Variants in FLG2 observed in about 807,000 individuals in gnomAD.
The protein encoded by FLG2 is filaggrin-2.
A neutral mutation model predicts 3.9 loss-of-function variants in FLG2; 7 were observed. The ratio of observed to expected loss-of-function variants is 1.79; its 90% confidence interval spans 1.02 to 3.36. FLG2 has a LOEUF of 3.36. Among genes scored for constraint, FLG2 ranks in the 30% most tolerant of loss-of-function variants. The pLI, the probability that FLG2 is intolerant of heterozygous loss-of-function variation, is 0.00. For missense variants in FLG2, 2,700 were observed against 2,809.4 expected (o/e 0.96, Z 0.88); for synonymous variants, 1,031 against 1,056.1 (o/e 0.98, Z 0.46).
chr1:152,350,733 A>C lies in FLG2; in HGVS notation c.7053T>G (p.Pro2351=), dbSNP rs760972948. The change falls in exon 3 of 3, where the codon CCT becomes CCG. Residue 2351 remains proline (P), a synonymous_variant. Transcript: ENST00000388718. ...CAGTGTGCCCATAGTCATATTCTGC[A>C]GGTCCATAGCTGCCATGTTTCCAAA... ...SQVWKHGSYG[P]AEYDYGHTGY... 2 of 1,614,226 alleles carry C rather than the reference A, an allele frequency of 1.2e-6. No individual in the cohort carries two copies. Among genetic ancestry groups the C allele is most frequent in the Non-Finnish European group, 1.7e-6 (2 of 1,180,042 alleles).
At position 152,354,681 on chromosome 1, in the gene FLG2, G is replaced by A. The variant is rs764942856; in HGVS notation, c.3105C>T (p.Tyr1035=). The A allele has an allele frequency of 1.2e-5, 19 of 1,613,918 alleles. No individual in the cohort carries two copies. The highest frequency in any genetic ancestry group is 1.5e-5 in the Non-Finnish European group (18 of 1,180,008). The part of the protein sequence containing the change: ...FGQHRSSSGQ[Y]SGFGQHGSGS... Reference sequence around the variant, plus strand: ...CTGATCCATGTTGTCCAAAGCCTGAGTATTGGCCTGAGCTTGACCTGTGTT... The same window carrying A: ...CTGATCCATGTTGTCCAAAGCCTGAATATTGGCCTGAGCTTGACCTGTGTT... The change falls in exon 3 of 3, where the codon TAC becomes TAT. Residue 1035 remains tyrosine (Y), a synonymous_variant. Coordinates refer to ENST00000388718, the MANE Select transcript of FLG2 (RefSeq NM_001014342.3).
In FLG2 at chr1:152,357,145, C is replaced by A. The variant is rs1291425662; in HGVS notation, c.641G>T (p.Ser214Ile). ...LRERINKSHI[S>I]PSRESGEEYE... ...CTCCTCCCCAGATTCCCTAGAAGGG[C>A]TAATGTGTGACTTGTTTATTCTTTC... The change falls in exon 3 of 3, where the codon AGC (serine) becomes ATC (isoleucine). Residue 214 changes from serine to isoleucine, a missense_variant. Ser to Ile is a moderately radical substitution (Grantham distance 142, BLOSUM62 -2). Coordinates refer to ENST00000388718, the MANE Select transcript of FLG2 (RefSeq NM_001014342.3). 2 of 1,614,172 alleles carry A rather than the reference C, an allele frequency of 1.2e-6. No homozygotes were observed. The highest frequency in any genetic ancestry group is 1.1e-5 in the South Asian group (1 of 91,072).
Position 152,358,850 on chromosome 1 carries a change from A to G in FLG2, c.35T>C (p.Ile12Thr), listed in dbSNP as rs774342933. 6.9e-5 allele frequency: 112 copies of G among 1,614,012 alleles called. No homozygotes were observed. The East Asian group carries it at 2.3e-3, about 33-fold the overall frequency. ...CTTGGTGTATTTGTAGAAAACATCA[A>G]TTACGGTGACAACACTTCTCAAGAG... ...TDLLRSVVTV[I>T]DVFYKYTKQD... Residue 12 changes from isoleucine to threonine, a missense_variant, in exon 2 of 3, where the codon ATT becomes ACT. Ile to Thr is a moderately conservative substitution (Grantham distance 89). Coordinates refer to ENST00000388718, the MANE Select transcript of FLG2 (RefSeq NM_001014342.3).
At position 152,356,023 on chromosome 1, in the gene FLG2, C is replaced by A; in HGVS notation, c.1763G>T (p.Gly588Val). ...ATGTTGTCCAAAGCCAGAGGACTGA[C>A]CTGAGCCCGATCCATATTGGCCAAA... ...TGFGQYGSGSGQSSGFGQHGS... is the reference protein window; with the variant it reads ...TGFGQYGSGSVQSSGFGQHGS... The change falls in exon 3 of 3, where the codon GGT becomes GTT. Residue 588 changes from glycine to valine, a missense_variant. Physicochemically the swap from Gly to Val is moderately radical, Grantham distance 109. Coordinates refer to ENST00000388718, the MANE Select transcript of FLG2 (RefSeq NM_001014342.3). 6.2e-7 allele frequency: 1 copy of A among 1,613,762 alleles called. No homozygotes were observed. Among genetic ancestry groups the A allele is most frequent in the Admixed American group, 1.7e-5 (1 of 59,994 alleles).
rs200981503 is a variant in FLG2, at chr1:152,353,077, C to T, written c.4709G>A (p.Gly1570Glu). 6.2e-7 allele frequency: 1 copy of T among 1,613,314 alleles called. No homozygotes were observed. The highest frequency in any genetic ancestry group is 1.7e-4 in the Middle Eastern group (1 of 6,052). Residue 1570 changes from glycine (G) to glutamate (E), a missense_variant, in exon 3 of 3, where the codon GGA becomes GAA. By Grantham distance (98) the Gly-to-Glu change is moderately conservative. Transcript: ENST00000388718. Reference sequence around the variant, plus strand: ...CTCACTGTGGCTAGTTCTCTGTCTTCCAGTTGTCCTGGACCCTGTCTGTGT... The same window carrying T: ...CTCACTGTGGCTAGTTCTCTGTCTTTCAGTTGTCCTGGACCCTGTCTGTGT... ...QTTQTGSRTT[G>E]RQRTSHSEST...
At position 152,352,635 on chromosome 1, in the gene FLG2, C is replaced by T. The variant is rs769322134; in HGVS notation, c.5151G>A (p.Gly1717=). The stretch of plus-strand genomic sequence containing the variant: ...ATCCCCTTCTTCCAGTAGTCCTGGA[C>T]CCTGTCTGTGTGGTTAATCCATGAT... ...HYHHGLTTQT[G]SRTTGRRGSG... Residue 1717 remains glycine (G), a synonymous_variant, in exon 3 of 3, where the codon GGG becomes GGA. Coordinates refer to ENST00000388718, the MANE Select transcript of FLG2 (RefSeq NM_001014342.3). The T allele has an allele frequency of 6.2e-7, 1 of 1,613,622 alleles. No individual in the cohort carries two copies. The highest frequency in any genetic ancestry group is 1.3e-5 in the African/African-American group (1 of 74,832).
Position 152,356,262 on chromosome 1 carries a change from ATG to A in FLG2, c.1522_1523del (p.His508TrpfsTer27). On this transcript the variant is annotated frameshift_variant, in exon 3 of 3. Coordinates refer to ENST00000388718, the MANE Select transcript of FLG2 (RefSeq NM_001014342.3). LOFTEE classifies it low-confidence loss of function (END_TRUNC). ...GSGQSSGFGQ[H>X]GSVSGQSSGF... ...CAGAGGATTGTCCTGAGACAGACCCATGCTGTCCAAAGCCAGAGGACTGACCT... is the reference window on the plus strand; with the variant it reads ...CAGAGGATTGTCCTGAGACAGACCCACTGTCCAAAGCCAGAGGACTGACCT... 1 of 1,614,032 alleles carries A rather than the reference ATG, an allele frequency of 6.2e-7. No homozygotes were observed. The highest frequency in any genetic ancestry group is 8.5e-7 in the Non-Finnish European group (1 of 1,180,018).
In FLG2 at chr1:152,349,573, C is replaced by T. The variant is rs1653830977; in HGVS notation, c.*1037G>A. On this transcript the variant is annotated 3_prime_UTR_variant, in exon 3 of 3. Coordinates refer to ENST00000388718, the MANE Select transcript of FLG2 (RefSeq NM_001014342.3). Reference sequence around the variant, plus strand: ...AAGAACAGACATATACCCTTACTACCAAAAGAGGAGATCATGTTAAATACC... The same window carrying T: ...AAGAACAGACATATACCCTTACTACTAAAAGAGGAGATCATGTTAAATACC... 1 of 152,642 alleles carries T rather than the reference C, an allele frequency of 6.6e-6. No individual in the cohort carries two copies. The highest frequency in any genetic ancestry group is 2.4e-5 in the African/African-American group (1 of 41,452). 9.5% of individuals were successfully genotyped at this position (152,642 alleles called of 1,614,324 possible).
Position 152,352,139 on chromosome 1 carries a change from A to G in FLG2, c.5647T>C (p.Ser1883Pro), listed in dbSNP as rs1450312746. The G allele has an allele frequency of 6.2e-7, 1 of 1,612,592 alleles. No individual in the cohort carries two copies. The highest frequency in any genetic ancestry group is 1.7e-5 in the Admixed American group (1 of 59,826). ...TGRRRSGHSE[S>P]SDSEVHSGGS... ...CCTGAGTGCACTTCACTGTCACTGG[A>G]CTCACTGTGGCCAGATCTCCTTCTT... The change falls in exon 3 of 3, where the codon TCC (serine) becomes CCC (proline). Residue 1883 changes from serine to proline, a missense_variant. Physicochemically the swap from Ser to Pro is moderately conservative, Grantham distance 74 (BLOSUM62 -1). Coordinates refer to ENST00000388718, the MANE Select transcript of FLG2 (RefSeq NM_001014342.3).
In FLG2 at chr1:152,355,485, C is replaced by A. The variant is rs1395251830; in HGVS notation, c.2301G>T (p.Gln767His). ...CAGAACTGTGTTGGCCATAGCTAGA[C>A]TGACCTGATCTAGACTCATGTTGTC... ...GFGQHESRSG[Q>H]SSYGQHSSGS... The change falls in exon 3 of 3, where the codon CAG (glutamine) becomes CAT (histidine). Residue 767 changes from glutamine (Q) to histidine (H), a missense_variant. Physicochemically the swap from Gln to His is conservative, Grantham distance 24. Transcript: ENST00000388718. 1 of 1,611,566 alleles carries A rather than the reference C, an allele frequency of 6.2e-7. No homozygotes were observed.
chr1:152,357,594 A>T lies in FLG2; in HGVS notation c.192T>A (p.Asp64Glu). 1 of 1,613,914 alleles carries T rather than the reference A, an allele frequency of 6.2e-7. No homozygotes were observed. The highest frequency in any genetic ancestry group is 8.5e-7 in the Non-Finnish European group (1 of 1,179,972). The change falls in exon 3 of 3, where the codon GAT (aspartate) becomes GAA (glutamate). Residue 64 changes from aspartate (D) to glutamate (E), a missense_variant. Coordinates refer to ENST00000388718, the MANE Select transcript of FLG2 (RefSeq NM_001014342.3). Reference sequence around the variant, plus strand: ...CAGTAAAGTCCAATCTTCTGTCATGATCTCGATCCAGCATATGCATGATGA... The same window carrying T: ...CAGTAAAGTCCAATCTTCTGTCATGTTCTCGATCCAGCATATGCATGATGA... ...VDVIMHMLDR[D>E]HDRRLDFTEF...
rs2101675697 is a variant in FLG2 at position 152,351,969 on chromosome 1, T to A, written c.5817A>T (p.Gln1939His). 1 of 1,610,410 alleles carries A rather than the reference T, an allele frequency of 6.2e-7. No homozygotes were observed. The highest frequency in any genetic ancestry group is 8.5e-7 in the Non-Finnish European group (1 of 1,178,836). ...TTEHGHPSHG[Q>H]TIQTGSRTTG... is the part of the protein sequence containing the mutation. The stretch of plus-strand genomic sequence containing the variant: ...TTGTCCTGGACCCTGTCTGTATGGT[T>A]TGTCCATGACTAGGGTGGCCATGTT... The change falls in exon 3 of 3, where the codon CAA (glutamine) becomes CAT (histidine). Residue 1939 changes from glutamine to histidine, a missense_variant. Coordinates refer to ENST00000388718, the MANE Select transcript of FLG2 (RefSeq NM_001014342.3).
rs56020604 is a variant in FLG2, at chr1:152,355,604, G to A, written c.2182C>T (p.Gln728Ter). 3 of 1,613,158 alleles carry A rather than the reference G, an allele frequency of 1.9e-6. No homozygotes were observed. In the African/African-American group the frequency reaches 4.0e-5, roughly 22 times the overall value. The change falls in exon 3 of 3, where the codon CAG becomes TAG. Residue 728 changes from glutamine to a stop codon, truncating the protein, a stop_gained. Transcript: ENST00000388718. LOFTEE classifies it low-confidence loss of function (END_TRUNC). Reference sequence around the variant, plus strand: ...CCATGTTGGCCAAAGCTGGAAGACTGACCTGAGCTTAACTCGTGTTGTCCA... The same window carrying A: ...CCATGTTGGCCAAAGCTGGAAGACTAACCTGAGCTTAACTCGTGTTGTCCA... ...GFGQHELSSG[Q>*]SSSFGQHGSG...
chr1:152,353,504 T>C lies in FLG2; in HGVS notation c.4282A>G (p.Ser1428Gly), dbSNP rs375418454. Residue 1428 changes from serine (S) to glycine (G), a missense_variant, in exon 3 of 3, where the codon AGT (serine) becomes GGT (glycine). Physicochemically the swap from Ser to Gly is moderately conservative, Grantham distance 56. Coordinates refer to ENST00000388718, the MANE Select transcript of FLG2 (RefSeq NM_001014342.3). ...CCCCCTGAGTGCACTTCACTGTCAC[T>C]GGACTCACTATGGCCAGATCCCCTT... Reference protein sequence around the residue: ...GRRGSGHSESSDSEVHSGGSH... With the variant: ...GRRGSGHSESGDSEVHSGGSH... 7.9e-5 allele frequency: 127 copies of C among 1,613,898 alleles called. No individual in the cohort carries two copies. The highest frequency in any genetic ancestry group is 1.0e-4 in the Non-Finnish European group (123 of 1,179,984).
At position 152,356,326 on chromosome 1, in the gene FLG2, C is replaced by T. The variant is rs1294413790; in HGVS notation, c.1460G>A (p.Gly487Asp). ...ACATTGTCCAAAGCCAGAGGACTGA[C>T]CTGAGCCAGACCCATGTTGTCCAAA... ...SGFGQHGSGS[G>D]QSSGFGQCGS... The change falls in exon 3 of 3, where the codon GGT (glycine) becomes GAT (aspartate). Residue 487 changes from glycine (G) to aspartate (D), a missense_variant. Physicochemically the swap from Gly to Asp is moderately conservative, Grantham distance 94. Coordinates refer to ENST00000388718, the MANE Select transcript of FLG2 (RefSeq NM_001014342.3). 4 of 1,614,224 alleles carry T rather than the reference C, an allele frequency of 2.5e-6. No individual in the cohort carries two copies. The highest frequency in any genetic ancestry group is 1.7e-5 in the Admixed American group (1 of 60,028).
Position 152,350,179 on chromosome 1 carries a change from A to G in FLG2, c.*431T>C. The G allele has an allele frequency of 1.0e-5, 2 of 192,444 alleles. No homozygotes were observed. The highest frequency in any genetic ancestry group is 2.2e-4 in the South Asian group (2 of 9,300). The allele number at this position is 192,444 out of a possible 1,614,324, so 11.9% of individuals were successfully genotyped here. A position where few individuals can be genotyped will look rare whatever the true frequency, so the allele number is the denominator to read the frequency against. On this transcript the variant is annotated 3_prime_UTR_variant, in exon 3 of 3. Transcript: ENST00000388718. ...TTGCTGGCTAGATCCATGTATACCTATTGTATTGAACTCTAACTTCCCATG... is the reference window on the plus strand; with the variant it reads ...TTGCTGGCTAGATCCATGTATACCTGTTGTATTGAACTCTAACTTCCCATG...
Position 152,350,310 on chromosome 1 carries a change from A to T in FLG2, c.*300T>A, listed in dbSNP as rs1029470100. 1 of 394,174 alleles carries T rather than the reference A, an allele frequency of 2.5e-6. No individual in the cohort carries two copies. The highest frequency in any genetic ancestry group is 2.0e-5 in the African/African-American group (1 of 49,612). The allele number at this position is 394,174 out of a possible 1,614,324, so 24.4% of individuals were successfully genotyped here. A position where few individuals can be genotyped will look rare whatever the true frequency, so the allele number is the denominator to read the frequency against. On this transcript the variant is annotated 3_prime_UTR_variant, in exon 3 of 3. Coordinates refer to ENST00000388718, the MANE Select transcript of FLG2 (RefSeq NM_001014342.3). Reference sequence around the variant, plus strand: ...TGATTGAACTAGATTTTGAATGGCCATGAACTGATATGGATTGTCCATGGC... The same window carrying T: ...TGATTGAACTAGATTTTGAATGGCCTTGAACTGATATGGATTGTCCATGGC...
Position 152,356,438 on chromosome 1 carries a change from C to G in FLG2, c.1348G>C (p.Gly450Arg). ...GACTCATGCTGGCCACAAGTTTGAC[C>G]TGAGCCACATACATGTTGTTCGAAC... ...SGFEQHVCGS[G>R]QTCGQHESTS... The change falls in exon 3 of 3, where the codon GGT becomes CGT. Residue 450 changes from glycine to arginine, a missense_variant. Gly to Arg is a moderately radical substitution (Grantham distance 125). Transcript: ENST00000388718. 2 of 1,614,248 alleles carry G rather than the reference C, an allele frequency of 1.2e-6. No homozygotes were observed. Among genetic ancestry groups the G allele is most frequent in the Non-Finnish European group, 1.7e-6 (2 of 1,180,048 alleles).
Position 152,353,996 on chromosome 1 carries a change from C to T in FLG2, c.3790G>A (p.Val1264Ile). The change falls in exon 3 of 3, where the codon GTA becomes ATA. Residue 1264 changes from valine (V) to isoleucine (I), a missense_variant. Transcript: ENST00000388718. ...QGQSTQTGSR[V>I]TRRRRSSQSE... ...TGGCTAGATCTTCGTCTTCTAGTTA[C>T]CCTGGACCCTGTCTGTGTGGATTGT... The T allele has an allele frequency of 1.2e-6, 2 of 1,614,062 alleles. No individual in the cohort carries two copies. Among genetic ancestry groups the T allele is most frequent in the Non-Finnish European group, 1.7e-6 (2 of 1,180,000 alleles).
Sources: allele counts gnomAD v4.1 joint callset, GRCh38; gene constraint gnomAD v4.1.1; transcripts MANE v1.5; gene names NCBI Gene and HGNC (gene_info 2026-07-23, HGNC 2026-07-21).